Variants in LYG2 observed in about 807,000 individuals in gnomAD.
LYG2 encodes the protein lysozyme g-like protein 2.
A neutral mutation model predicts 22.4 loss-of-function variants in LYG2; 25 were observed. The observed-to-expected ratio is 1.12, with a 90% CI of 0.81 to 1.56. LYG2 has a LOEUF of 1.56. Ranked by LOEUF, LYG2 falls within the 40% of genes most tolerant of loss-of-function variation. The pLI, the probability that LYG2 is intolerant of heterozygous loss-of-function variation, is 0.00. For synonymous variants in LYG2, 88 were observed against 97.0 expected (o/e 0.91, Z 0.55); for missense variants, 266 against 269.5 (o/e 0.99, Z 0.09).
intron 3 of LYG2, among the ~76,000 whole-genome samples, chr2:99,250,407 C>T (rs1559206789): frequency 7.3e-6 from 1 of 137,036 alleles, no homozygotes; most frequent in South Asian, 2.3e-4. Context: ...CAGAGTCTTG[C>T]TCTGTCGCCC....
intron 3 of LYG2, among the ~76,000 whole-genome samples, chr2:99,247,691 A>G (rs985855960): frequency 2.0e-5 from 3 of 152,194 alleles, no homozygotes; most frequent in East Asian, 3.9e-4. Context: ...GTGAACATCT[A>G]GATTAACAAT....
At chr2:99,242,546 T>C (rs2094008364) in intron 6 of LYG2, 64 bp from the exon 7 acceptor site, 1 of 1,123,734 alleles carries the variant, frequency 8.9e-7, no homozygotes, top group African/African-American at 1.6e-5. Context: ...GCAATGAGCA[T>C]TGCCAAGATG....
chr2:99,254,400 C>A (rs560934824), intron 2 of LYG2, 115 bp from the exon 3 acceptor site: 2 of 735,590 alleles, frequency 2.7e-6, no homozygotes, highest in African/African-American at 1.8e-5. Context: ...CTACTCATTT[C>A]CCTGTTTCAA....
At chr2:99,260,811 G>GA in the LYG2 span, among the ~76,000 whole-genome samples, 1 of 152,252 alleles carries the variant, frequency 6.6e-6, no homozygotes, top group Admixed American at 6.5e-5. Context: ...AAAGAAAAGA[G>GA]AAAAAAATCA....
Position 99,245,331 on chromosome 2 carries a change from CCTGGAGATGATGG to C in LYG2, c.299_311del (p.Ala100GlyfsTer22). The C allele has an allele frequency of 1.2e-6, 2 of 1,612,992 alleles. No individual in the cohort carries two copies. The highest frequency in any genetic ancestry group is 2.2e-5 in the South Asian group (2 of 90,834). On this transcript the variant is annotated frameshift_variant, in exon 5 of 7. Coordinates refer to ENST00000333017, the MANE Select transcript of LYG2 (RefSeq NM_175735.4). LOFTEE classifies it high-confidence loss of function. ...GCAGGACAGATCCGCCATGGCTTTC[CCTGGAGATGATGG>C]CTGCGATGACAGCAGGGTCCACGCA...
intron 6 of LYG2, among the ~76,000 whole-genome samples, chr2:99,243,229 G>A (rs539611349): frequency 6.6e-6 from 1 of 152,232 alleles, no homozygotes; most frequent in African/African-American, 2.4e-5. Flanking sequence ...TTTTCAGGCT[G>A]GGATGACTGG....
At chr2:99,253,047 T>TAA (rs1370518364) in intron 3 of LYG2, among the ~76,000 whole-genome samples, 1 of 49,634 alleles carries the variant, frequency 2.0e-5, no homozygotes, top group Non-Finnish European at 3.9e-5. Flanking sequence ...AGACTCTGTC[T>TAA]CAAAAAAAAA....
At chr2:99,243,560 G>A (rs2094010354) in intron 6 of LYG2, 3 of 1,410,962 alleles carry the variant, frequency 2.1e-6, no homozygotes, top group Admixed American at 4.1e-5. Flanking sequence ...TTGAGAGATG[G>A]GGTCTCACTC....
chr2:99,246,578 C>A, intron 4 of LYG2, 102 bp downstream of exon 4: 2 of 1,344,062 alleles, frequency 1.5e-6, no homozygotes, highest in South Asian at 2.8e-5. Flanking sequence ...ATACTATTGT[C>A]ATAATGATGA....
intron 3 of LYG2, among the ~76,000 whole-genome samples, chr2:99,249,752 ACT>A (rs1324776682): frequency 4.4e-5 from 6 of 137,484 alleles, no homozygotes; most frequent in African/African-American, 1.4e-4. Flanking sequence ...AAAGAGCGAA[ACT>A]CTGTCTCAAA....
rs1378013730 is a variant in LYG2, at chr2:99,244,069, C to T, written c.450G>A (p.Gly150=). The T allele has an allele frequency of 1.2e-6, 2 of 1,613,916 alleles. No homozygotes were observed. The highest frequency in any genetic ancestry group is 1.7e-6 in the Non-Finnish European group (2 of 1,179,994). ...TTGCCTTAATTCTCTCTGTTAGAAT[C>T]CCAGTAGCCTGTGAAAGGTGCTCTT... ...DSKEHLSQAT[G]ILTERIKAIQ... is the part of the protein sequence containing the mutation. The change falls in exon 6 of 7, where the codon GGG becomes GGA. Residue 150 remains glycine (G), a synonymous_variant. Transcript: ENST00000333017.
intron 2 of LYG2, 64 bp from the exon 3 acceptor site, chr2:99,254,349 T>C: frequency 7.5e-7 from 1 of 1,337,468 alleles, no homozygotes; most frequent in Non-Finnish European, 1.1e-6. Flanking sequence ...AAGAAAAATT[T>C]GCTTTGATAT....
At chr2:99,252,333 G>T (rs2094028135) in intron 3 of LYG2, among the ~76,000 whole-genome samples, 1 of 148,186 alleles carries the variant, frequency 6.7e-6, no homozygotes, top group Non-Finnish European at 1.5e-5. Context: ...GATTACAGGT[G>T]TGAGCCACCG....
intron 5 of LYG2, 130 bp from the exon 6 acceptor site, chr2:99,244,267 T>C: frequency 1.1e-6 from 1 of 888,718 alleles, no homozygotes; most frequent in Non-Finnish European, 1.7e-6. Context: ...ATTCTATTGT[T>C]CTTTCTTTCA....
upstream of LYG2, among the ~76,000 whole-genome samples, chr2:99,257,172 T>C (rs2094037816): frequency 6.6e-6 from 1 of 152,234 alleles, no homozygotes; most frequent in Admixed American, 6.5e-5. Flanking sequence ...ATAACACCAC[T>C]CACAGATTTT....
At chr2:99,246,602 A>G in intron 4 of LYG2, 78 bp downstream of exon 4, 2 of 1,529,486 alleles carry the variant, frequency 1.3e-6, no homozygotes, top group Admixed American at 2.0e-5. Context: ...TACCTTTTCA[A>G]AATTAAGTGA....
At chr2:99,243,540 AAATTTTTTTTT>A in intron 6 of LYG2, 38 of 1,460,758 alleles carry the variant, frequency 2.6e-5, no homozygotes, top group Admixed American at 1.7e-4. Flanking sequence ...ATAGATAGAT[AAATTTTTTTTT>A]GAGAGATGGG....
chr2:99,258,928 ATG>A (rs2105277989), upstream of LYG2, among the ~76,000 whole-genome samples: 1 of 152,338 alleles, frequency 6.6e-6, no homozygotes, highest in Admixed American at 6.5e-5. Flanking sequence ...AGATATACAA[ATG>A]GCCAATAAAG....
At chr2:99,244,975 G>A (rs766610089) in intron 5 of LYG2, among the ~76,000 whole-genome samples, 12 of 151,996 alleles carry the variant, frequency 7.9e-5, no homozygotes, top group African/African-American at 2.4e-4. Context: ...AGCTGGGCAT[G>A]GTGGCGTGTG....
Sources: gnomAD v4.1 joint callset for allele counts (sites outside exome capture counted in the v4.1 genomes callset) on GRCh38, gnomAD v4.1.1 for gene constraint, MANE v1.5 for transcripts, NCBI Gene and HGNC (gene_info 2026-07-23, HGNC 2026-07-21) for gene names.